Variants in TPCN1 observed in about 807,000 individuals in gnomAD.
The protein encoded by TPCN1 is two pore segment channel 1.
TPCN1 carries 52 observed loss-of-function variants against 108.8 expected under a neutral mutation model. The ratio of observed to expected loss-of-function variants is 0.48; its 90% confidence interval spans 0.38 to 0.60. TPCN1 has a LOEUF of 0.60. Among genes scored for constraint, TPCN1 ranks in the 20% least tolerant of loss-of-function variants. TPCN1 has a pLI of 0.00. For missense variants in TPCN1, 806 were observed against 1,072.8 expected, an observed-to-expected ratio of 0.75 and a Z score of 3.47; for synonymous variants, 446 against 433.7, an observed-to-expected ratio of 1.03 and a Z score of -0.35.
At chr12:113,224,279 TGGG>T (rs1279715542) in intron 1 of TPCN1, among the ~76,000 whole-genome samples, 1 of 152,282 alleles carries the variant, frequency 6.6e-6, no homozygotes, top group East Asian at 1.9e-4. Context: ...CATCCTGTAA[TGGG>T]GGGATAATAA....
chr12:113,277,203 T>G (rs1593178327), intron 11 of TPCN1, 37 bp from the exon 12 acceptor site: 1 of 1,609,912 alleles, frequency 6.2e-7, no homozygotes, highest in African/African-American at 1.3e-5. Flanking sequence ...GGAAGGGGAG[T>G]AGCCTGGGTT....
chr12:113,271,238 C>A (rs1955487729), intron 7 of TPCN1, among the ~76,000 whole-genome samples: 1 of 152,134 alleles, frequency 6.6e-6, no homozygotes, highest in Non-Finnish European at 1.5e-5. Context: ...GACAGCGCAA[C>A]TGCATTCCAG....
At chr12:113,264,840 TTTTG>T (rs1191883669) in intron 3 of TPCN1, among the ~76,000 whole-genome samples, 1 of 152,022 alleles carries the variant, frequency 6.6e-6, no homozygotes, top group Admixed American at 6.5e-5. Context: ...GTGCAGCTCT[TTTTG>T]TTTATTTTTT....
rs1426061879 is a variant in TPCN1, at chr12:113,260,380, A to AT, written c.126dup (p.Ala43CysfsTer15). ...TCTTCCAATGCAGATGGCGGCAGCT[A>AT]TGCCATCCACGACTCCCAGGCCCCC... On this transcript the variant is annotated frameshift_variant, in exon 3 of 28. Transcript: ENST00000335509. LOFTEE classifies it high-confidence loss of function. 1 of 1,501,142 alleles carries AT rather than the reference A, an allele frequency of 6.7e-7. No individual in the cohort carries two copies. Among genetic ancestry groups the AT allele is most frequent in the Non-Finnish European group, 8.9e-7 (1 of 1,128,744 alleles). The allele number at this position is 1,501,142 out of a possible 1,614,324, so 93.0% of individuals were successfully genotyped here. A position where few individuals can be genotyped will look rare whatever the true frequency, so the allele number is the denominator to read the frequency against.
chr12:113,295,841 G>A, intron 27 of TPCN1, 119 bp from the exon 28 acceptor site: 1 of 1,149,516 alleles, frequency 8.7e-7, no homozygotes, highest in Non-Finnish European at 1.2e-6. Flanking sequence ...GTACCAGCTG[G>A]GTGAGGCTGG....
intron 27 of TPCN1, 66 bp from the exon 28 acceptor site, chr12:113,295,894 C>T (rs1956409092): frequency 1.5e-6 from 2 of 1,334,196 alleles, no homozygotes; most frequent in South Asian, 1.4e-5. Flanking sequence ...GCTGTGTGAC[C>T]TTGTGGGGTG....
chr12:113,254,842 C>G (rs1954774176), intron 2 of TPCN1, among the ~76,000 whole-genome samples: 1 of 152,158 alleles, frequency 6.6e-6, no homozygotes, highest in Non-Finnish European at 1.5e-5. Flanking sequence ...TGACAAAATG[C>G]AACACCCATT....
chr12:113,284,536 G>GC lies in TPCN1; in HGVS notation c.1343-39dup, dbSNP rs773985106. 3 of 1,610,350 alleles carry GC rather than the reference G, an allele frequency of 1.9e-6. No homozygotes were observed. Among genetic ancestry groups the GC allele is most frequent in the Non-Finnish European group, 1.7e-6 (2 of 1,177,614 alleles). Reference sequence around the variant, plus strand: ...TCAGCTGCGACCTGCAGATTTCTAAGCCCCCCTGTTATTTCTCTGTCTTTT... The same window carrying GC: ...TCAGCTGCGACCTGCAGATTTCTAAGCCCCCCCTGTTATTTCTCTGTCTTTT... On this transcript the variant is annotated intron_variant, in intron 15 of 27. Coordinates refer to ENST00000335509, the MANE Select transcript of TPCN1 (RefSeq NM_017901.6). This position sits in a 1 kb window ranked among gnomAD's most constrained non-coding sequence, Gnocchi z 4.1.
At chr12:113,282,222 C>A (rs898728067) in intron 15 of TPCN1, among the ~76,000 whole-genome samples, 1 of 151,496 alleles carries the variant, frequency 6.6e-6, no homozygotes, top group Non-Finnish European at 1.5e-5. Context: ...TCCCAAGTAG[C>A]TGGGACTACA....
chr12:113,229,186 C>T (rs1953582831), intron 2 of TPCN1, among the ~76,000 whole-genome samples: 1 of 152,204 alleles, frequency 6.6e-6, no homozygotes. Flanking sequence ...GTTTGTTTCT[C>T]AAGAATAAAG....
At chr12:113,252,696 G>A (rs1214582618) in intron 2 of TPCN1, among the ~76,000 whole-genome samples, 3 of 152,214 alleles carry the variant, frequency 2.0e-5, no homozygotes, top group South Asian at 2.1e-4. Flanking sequence ...ATGGGCTCAC[G>A]AGGACGCAGC....
rs1272986939 is a variant in TPCN1 at position 113,272,019 on chromosome 12, C to T, written c.749-639C>T. 6.6e-6 allele frequency among the ~76,000 whole-genome samples: 1 copy of T among 152,232 alleles called. No individual in the cohort carries two copies. Among genetic ancestry groups the T allele is most frequent in the Non-Finnish European group, 1.5e-5 (1 of 68,042 alleles). On this transcript the variant is annotated intron_variant, in intron 7 of 27. Transcript: ENST00000335509. The surrounding 1 kb of genome is among the most constrained non-coding windows in gnomAD (Gnocchi z 4.1). ...GAGGCTAGAGCCAGGGCCAACCCCT[C>T]CCGGCCCTCGTGACTGCCTTGTCCT...
At chr12:113,233,178 C>CCATG (rs1487495617) in intron 2 of TPCN1, among the ~76,000 whole-genome samples, 1 of 152,220 alleles carries the variant, frequency 6.6e-6, no homozygotes, top group East Asian at 1.9e-4. Flanking sequence ...AGGCCCCCTG[C>CCATG]CATGAGATGC....
chr12:113,241,420 C>T (rs1954120719), intron 2 of TPCN1, among the ~76,000 whole-genome samples: 1 of 152,236 alleles, frequency 6.6e-6, no homozygotes, highest in Non-Finnish European at 1.5e-5. Flanking sequence ...CGGGTCCAGC[C>T]AGCCCCCAGG....
At chr12:113,244,551 G>C in intron 2 of TPCN1, 2 of 985,456 alleles carry the variant, frequency 2.0e-6, no homozygotes, top group Non-Finnish European at 2.4e-6. Context: ...GGCCTTTGAA[G>C]AGCCAGCCGG....
chr12:113,280,572 G>A (rs978211935), intron 15 of TPCN1, among the ~76,000 whole-genome samples: 1 of 152,132 alleles, frequency 6.6e-6, no homozygotes, highest in African/African-American at 2.4e-5. Flanking sequence ...CTGGAATTTG[G>A]TAGTTCTGTC....
intron 17 of TPCN1, among the ~76,000 whole-genome samples, chr12:113,285,129 T>C (rs1280296703): frequency 1.3e-5 from 2 of 152,248 alleles, no homozygotes; most frequent in Non-Finnish European, 2.9e-5. Flanking sequence ...GGTGTCTTCC[T>C]CTAACCTCTG....
intron 22 of TPCN1, 87 bp from the exon 23 acceptor site, chr12:113,290,863 GGC>G: frequency 1.6e-6 from 2 of 1,256,684 alleles, no homozygotes; most frequent in Non-Finnish European, 1.2e-6. Flanking sequence ...CTTAGCACAT[GGC>G]ACCCAGGATA....
At position 113,289,559 on chromosome 12, in the gene TPCN1, G is replaced by A. The variant is rs1337894979; in HGVS notation, c.1797-569G>A. ...TCCAGACCTCACTCTTGTGTCTGAT[G>A]CATGCGTGTGGGAGGAGGCTCCCTG... On this transcript the variant is annotated intron_variant, in intron 21 of 27. Coordinates refer to ENST00000335509, the MANE Select transcript of TPCN1 (RefSeq NM_017901.6). The surrounding 1 kb of genome is among the most constrained non-coding windows in gnomAD (Gnocchi z 4.1). Among the ~76,000 whole-genome samples, 1 of 152,162 alleles carries A rather than the reference G, an allele frequency of 6.6e-6. No homozygotes were observed. The highest frequency in any genetic ancestry group is 2.4e-5 in the African/African-American group (1 of 41,390).
Sources: allele counts gnomAD v4.1 joint callset (sites outside exome capture counted in the v4.1 genomes callset), GRCh38; gene constraint gnomAD v4.1.1; non-coding constraint Gnocchi (gnomAD v3.1); transcripts MANE v1.5; gene names NCBI Gene and HGNC (gene_info 2026-07-23, HGNC 2026-07-21).